Variants in MALRD1 observed in about 807,000 individuals in gnomAD.
The protein encoded by MALRD1 is MAM and LDL receptor class A domain containing 1.
Under a neutral mutation model 242.1 loss-of-function variants are expected in MALRD1, and 247 were observed. The observed-to-expected ratio is 1.02, with a 90% CI of 0.92 to 1.13. The LOEUF is 1.13. Ranked by LOEUF, MALRD1 falls within the 50% of genes most tolerant of loss-of-function variation. MALRD1 has a pLI of 0.00. For missense variants in MALRD1, 2,989 were observed against 2,533.1 expected (o/e 1.18, Z -3.86); for synonymous variants, 995 against 866.6 (o/e 1.15, Z -2.60).
intron 10 of MALRD1, among the ~76,000 whole-genome samples, chr10:19,140,628 A>T (rs1017536833): frequency 1.3e-5 from 2 of 151,908 alleles, no homozygotes; most frequent in African/African-American, 4.8e-5. Context: ...GAAGAAAAAA[A>T]CTTCCTATTT....
intron 36 of MALRD1, among the ~76,000 whole-genome samples, chr10:19,686,229 GA>G (rs1181139705): frequency 1.1e-4 from 17 of 152,284 alleles, no homozygotes; most frequent in African/African-American, 3.6e-4. Flanking sequence ...GAGCGATCAA[GA>G]GCACATTTTG....
At chr10:19,573,790 C>T (rs182346118) in intron 33 of MALRD1, among the ~76,000 whole-genome samples, 1 of 152,134 alleles carries the variant, frequency 6.6e-6, no homozygotes, top group African/African-American at 2.4e-5. Flanking sequence ...TCCATTGAAA[C>T]ATGCTGCATC....
intron 28 of MALRD1, among the ~76,000 whole-genome samples, chr10:19,419,058 T>C (rs1833617904): frequency 6.6e-6 from 1 of 152,142 alleles, no homozygotes; most frequent in African/African-American, 2.4e-5. Flanking sequence ...AACTCAACCA[T>C]TTCAGTATGC....
At chr10:19,388,140 T>G (rs1846165113) in intron 27 of MALRD1, among the ~76,000 whole-genome samples, 1 of 152,176 alleles carries the variant, frequency 6.6e-6, no homozygotes, top group African/African-American at 2.4e-5. Context: ...ATTCTTCACA[T>G]CATCTTCTCT....
At chr10:19,249,816 C>G (rs1839225089) in intron 18 of MALRD1, among the ~76,000 whole-genome samples, 1 of 151,888 alleles carries the variant, frequency 6.6e-6, no homozygotes, top group Non-Finnish European at 1.5e-5. Flanking sequence ...GGACATTGAG[C>G]TAGAACAAAA....
intron 32 of MALRD1, among the ~76,000 whole-genome samples, chr10:19,557,036 G>A (rs1399574350): frequency 1.3e-5 from 2 of 152,074 alleles, no homozygotes; most frequent in Non-Finnish European, 2.9e-5. Flanking sequence ...GAAAATCCCT[G>A]ATAACAAATG....
At chr10:19,544,671 G>T (rs779227453) in intron 32 of MALRD1, among the ~76,000 whole-genome samples, 2 of 151,830 alleles carry the variant, frequency 1.3e-5, no homozygotes, top group South Asian at 2.1e-4. Flanking sequence ...TAGATCTTTG[G>T]TCAGATTTGA....
At chr10:19,714,302 G>T (rs1425724737) in intron 38 of MALRD1, among the ~76,000 whole-genome samples, 2 of 152,182 alleles carry the variant, frequency 1.3e-5, no homozygotes, top group Admixed American at 1.3e-4. Context: ...TTCCTCCGGA[G>T]TAGGGCTGCC....
At chr10:19,731,030 T>C (rs1223157877) in intron 39 of MALRD1, among the ~76,000 whole-genome samples, 1 of 152,214 alleles carries the variant, frequency 6.6e-6, no homozygotes. Flanking sequence ...AATGGTGTTG[T>C]GGTCACTATT....
chr10:19,094,581 C>T (rs1044429884), intron 4 of MALRD1, among the ~76,000 whole-genome samples: 7 of 151,672 alleles, frequency 4.6e-5, no homozygotes, highest in South Asian at 4.2e-4. Context: ...AGCTGTAGAC[C>T]GGAGCTGTTC....
At chr10:19,252,530 T>A (rs1343053647) in intron 18 of MALRD1, among the ~76,000 whole-genome samples, 1 of 152,128 alleles carries the variant, frequency 6.6e-6, no homozygotes, top group African/African-American at 2.4e-5. Context: ...AATTTTGTTA[T>A]GATTTTGTTT....
rs115129891 is a variant in MALRD1 at position 19,107,445 on chromosome 10, A to C, written c.694+3370A>C. Among the ~76,000 whole-genome samples, 1,405 of 152,040 alleles carry C rather than the reference A, an allele frequency of 9.2e-3. 29 individuals carry two copies. The highest frequency in any genetic ancestry group is 0.033 in the African/African-American group (1,355 of 41,532). ...TATGTTATCTGATATAGTTATAGCT[A>C]CTGCTGGTCTCTTTTGGTTTCTATT... On this transcript the variant is annotated intron_variant, in intron 5 of 39. Transcript: ENST00000454679.
chr10:19,370,671 G>A lies in MALRD1; in HGVS notation c.4442-16857G>A, dbSNP rs188742933. 1.5e-4 allele frequency among the ~76,000 whole-genome samples: 23 copies of A among 152,158 alleles called. No homozygotes were observed. In the East Asian group the frequency reaches 4.5e-3, roughly 29 times the overall value. On this transcript the variant is annotated intron_variant, in intron 26 of 39. Coordinates refer to ENST00000454679, the MANE Select transcript of MALRD1 (RefSeq NM_001142308.3). ...CAGTTCACTTCAACCTCTGCCTCCT[G>A]GGTTCAAGTGATTCTTGTGTCTCAA...
intron 29 of MALRD1, chr10:19,489,163 G>A (rs1269633323): frequency 1.1e-5 from 5 of 469,746 alleles, no homozygotes. Context: ...GGAGGTCAGC[G>A]CTGTTGTCAG....
chr10:19,635,413 G>C (rs892683509), intron 36 of MALRD1, among the ~76,000 whole-genome samples: 2 of 152,074 alleles, frequency 1.3e-5, no homozygotes, highest in African/African-American at 2.4e-5. Flanking sequence ...GAGTTAAAAA[G>C]TTCAAAAGCA....
At chr10:19,393,399 C>A (rs200912908) in intron 28 of MALRD1, among the ~76,000 whole-genome samples, 1 of 150,282 alleles carries the variant, frequency 6.7e-6, no homozygotes, top group Non-Finnish European at 1.5e-5. Flanking sequence ...TTTACTCCCA[C>A]TATTTTACCT....
intron 28 of MALRD1, among the ~76,000 whole-genome samples, chr10:19,446,684 A>G (rs956176906): frequency 6.6e-6 from 1 of 152,224 alleles, no homozygotes; most frequent in African/African-American, 2.4e-5. Flanking sequence ...TGCATATACT[A>G]TATGTGAGGA....
chr10:19,678,630 T>C (rs770706110), intron 36 of MALRD1, among the ~76,000 whole-genome samples: 1 of 151,720 alleles, frequency 6.6e-6, no homozygotes, highest in Non-Finnish European at 1.5e-5. Flanking sequence ...GCTATTTGGA[T>C]ACCCTTTATT....
chr10:19,176,666 G>A (rs1489683279), intron 14 of MALRD1, among the ~76,000 whole-genome samples: 1 of 152,006 alleles, frequency 6.6e-6, no homozygotes, highest in Non-Finnish European at 1.5e-5. Context: ...GAGCCACCGC[G>A]CCCGGCCCTG....
Sources: gnomAD v4.1 joint callset for allele counts (sites outside exome capture counted in the v4.1 genomes callset) on GRCh38, gnomAD v4.1.1 for gene constraint, MANE v1.5 for transcripts, NCBI Gene and HGNC (gene_info 2026-07-23, HGNC 2026-07-21) for gene names.